The following FRMD4A variants were observed in gnomAD, a reference collection of about 807,000 sequenced individuals.
FRMD4A encodes the protein FERM domain-containing protein 4A.
A neutral mutation model predicts 129.1 loss-of-function variants in FRMD4A; 29 were observed. The ratio of observed to expected loss-of-function variants is 0.22; its 90% CI spans 0.17 to 0.31. The LOEUF (loss-of-function observed/expected upper bound fraction) is 0.31, where lower values mean the gene tolerates loss of function less well. Among genes scored for constraint, FRMD4A ranks in the 10% least tolerant of loss-of-function variants. The probability of loss-of-function intolerance (pLI) is 1.00; values close to 1 mark genes in which losing one functional copy is unlikely to be tolerated. For synonymous variants in FRMD4A, 634 were observed against 571.6 expected (o/e 1.11, Z -1.56); for missense variants, 1,272 against 1,375.8 (o/e 0.92, Z 1.19).
chr10:13,786,863 A>C (rs1484790369), intron 5 of FRMD4A, among the ~76,000 whole-genome samples: 1 of 152,228 alleles, frequency 6.6e-6, no homozygotes, highest in Non-Finnish European at 1.5e-5. Flanking sequence ...TTTTCAAAGT[A>C]ATGCCATATG....
At chr10:13,923,340 C>A (rs2095094414) in intron 2 of FRMD4A, among the ~76,000 whole-genome samples, 1 of 152,178 alleles carries the variant, frequency 6.6e-6, no homozygotes, top group Non-Finnish European at 1.5e-5. Context: ...TGTCAAGGAA[C>A]TAAAGCACCC....
intron 2 of FRMD4A, among the ~76,000 whole-genome samples, chr10:13,903,186 T>C (rs2094841547): frequency 6.6e-6 from 1 of 152,100 alleles, no homozygotes; most frequent in Admixed American, 6.5e-5. Flanking sequence ...AGTGAGATCT[T>C]TTCTAACCAC....
At chr10:14,223,298 G>C (rs997082609) in intron 2 of FRMD4A, among the ~76,000 whole-genome samples, 1 of 152,178 alleles carries the variant, frequency 6.6e-6, no homozygotes. Context: ...CTCACTGTGT[G>C]AGCAAGGAGA....
At chr10:13,941,578 C>A (rs1040353455) in intron 2 of FRMD4A, among the ~76,000 whole-genome samples, 1 of 152,088 alleles carries the variant, frequency 6.6e-6, no homozygotes, top group African/African-American at 2.4e-5. Context: ...TCGTAGACAC[C>A]AGGCAGGTTA....
chr10:14,064,867 C>T (rs528199891), intron 2 of FRMD4A, among the ~76,000 whole-genome samples: 15 of 152,196 alleles, frequency 9.9e-5, no homozygotes, highest in Non-Finnish European at 2.1e-4. Flanking sequence ...TGTGAGCCAC[C>T]GCGCCCAGCC....
At chr10:13,903,417 C>T (rs189593255) in intron 2 of FRMD4A, among the ~76,000 whole-genome samples, 7 of 152,274 alleles carry the variant, frequency 4.6e-5, no homozygotes, top group Middle Eastern at 3.4e-3. Flanking sequence ...GTCTTTGGAA[C>T]ATACTAAACA....
In FRMD4A at chr10:13,649,865, A is replaced by C. The variant is rs928639332; in HGVS notation, c.*2+2038T>G. ...AATGGGGCCACTAAATAGTTGCCCT[A>C]GTAAAAACCTAAAAACCTAAGTCAG... is the stretch of plus-strand genomic sequence containing the variant. On this transcript the variant is annotated intron_variant, in intron 24 of 24. Coordinates refer to ENST00000357447, the MANE Select transcript of FRMD4A (RefSeq NM_018027.5). 2.6e-5 allele frequency among the ~76,000 whole-genome samples: 4 copies of C among 152,234 alleles called. No homozygotes were observed. The East Asian group carries it at 7.7e-4, about 29-fold the overall frequency.
intron 2 of FRMD4A, among the ~76,000 whole-genome samples, chr10:14,000,741 T>G (rs1336201126): frequency 6.6e-6 from 1 of 151,218 alleles, no homozygotes; most frequent in Non-Finnish European, 1.5e-5. Flanking sequence ...ATATGGCAGA[T>G]TGAAAGACAC....
intron 2 of FRMD4A, among the ~76,000 whole-genome samples, chr10:14,230,683 G>A (rs1174558242): frequency 6.6e-6 from 1 of 152,046 alleles, no homozygotes; most frequent in African/African-American, 2.4e-5. Flanking sequence ...TCTTACACGG[G>A]GAATTTGCAT....
intron 2 of FRMD4A, among the ~76,000 whole-genome samples, chr10:14,318,736 C>CAAGGAACATAGAATCAAGTTACATAG (rs2132116352): frequency 6.6e-6 from 1 of 152,206 alleles, no homozygotes; most frequent in South Asian, 2.1e-4. Flanking sequence ...AAAAGAGCAT[C>CAAGGAACATAGAATCAAGTTACATAG]AAGGAACATA....
chr10:13,668,654 G>A (rs971755102), intron 17 of FRMD4A, among the ~76,000 whole-genome samples: 4 of 152,182 alleles, frequency 2.6e-5, no homozygotes, highest in African/African-American at 7.2e-5. Context: ...CTAAAGTCCC[G>A]CGGTACTGAG....
chr10:14,030,378 T>C (rs1833180701), intron 2 of FRMD4A, among the ~76,000 whole-genome samples: 1 of 152,246 alleles, frequency 6.6e-6, no homozygotes, highest in African/African-American at 2.4e-5. Context: ...CATAGGAACA[T>C]TACATCATAC....
chr10:14,081,071 T>G (rs556483758), intron 2 of FRMD4A, among the ~76,000 whole-genome samples: 1 of 152,238 alleles, frequency 6.6e-6, no homozygotes, highest in East Asian at 1.9e-4. Flanking sequence ...CATAAATTAG[T>G]AAGTACCATT....
chr10:14,269,588 C>T (rs1845090967), intron 2 of FRMD4A, among the ~76,000 whole-genome samples: 1 of 152,116 alleles, frequency 6.6e-6, no homozygotes, highest in South Asian at 2.1e-4. Context: ...CTGACCCCAA[C>T]AGAGAAAAGT....
chr10:14,208,140 G>A (rs1160055889), intron 2 of FRMD4A, among the ~76,000 whole-genome samples: 1 of 152,100 alleles, frequency 6.6e-6, no homozygotes. Context: ...AGGTTGTAGT[G>A]AGCTATGATC....
chr10:14,048,824 T>TAGAA (rs1834105245), intron 2 of FRMD4A, among the ~76,000 whole-genome samples: 3 of 121,974 alleles, frequency 2.5e-5, no homozygotes, highest in African/African-American at 9.4e-5. Context: ...ATAGAATAGA[T>TAGAA]TAGAATAGAA....
intron 8 of FRMD4A, among the ~76,000 whole-genome samples, chr10:13,756,883 T>C (rs565115097): frequency 6.6e-6 from 1 of 152,312 alleles, no homozygotes; most frequent in South Asian, 2.1e-4. Flanking sequence ...AATTAGAATA[T>C]AACTAGAAAA....
chr10:14,121,638 C>T (rs1478781467), intron 2 of FRMD4A, among the ~76,000 whole-genome samples: 2 of 152,166 alleles, frequency 1.3e-5, no homozygotes, highest in Non-Finnish European at 2.9e-5. Flanking sequence ...GAAGGCTGGT[C>T]TCAAACAGGT....
At chr10:13,890,888 A>G (rs1193241407) in intron 2 of FRMD4A, 1 of 982,962 alleles carries the variant, frequency 1.0e-6, no homozygotes, top group Non-Finnish European at 1.2e-6. Context: ...GAAATTTCGC[A>G]GAATACGCCT....
Sources: allele counts gnomAD v4.1 joint callset (sites outside exome capture counted in the v4.1 genomes callset), GRCh38; gene constraint gnomAD v4.1.1; transcripts MANE v1.5; gene names NCBI Gene and HGNC (gene_info 2026-07-23, HGNC 2026-07-21).